FAAH2: variants seen among roughly 807,000 people sequenced by gnomAD.
The protein encoded by FAAH2 is fatty acid amide hydrolase 2.
In FAAH2, 60 loss-of-function variants were observed where a neutral mutation model predicts 36.9. That is an observed-to-expected ratio of 1.63 (90% CI 1.32 to 2.02). The LOEUF is 2.02. Ranked by LOEUF, FAAH2 falls within the 30% of genes most tolerant of loss-of-function variation. The probability of loss-of-function intolerance (pLI) is 0.00; values close to 1 mark genes in which losing one functional copy is unlikely to be tolerated. For missense variants in FAAH2, 689 were observed against 397.5 expected (o/e 1.73, Z -6.23); for synonymous variants, 214 against 143.8 (o/e 1.49, Z -3.49).
chrX:57,366,785 G>A (rs1383325050), intron 5 of FAAH2, among the ~76,000 whole-genome samples: 2 of 112,425 alleles, frequency 1.8e-5, no homozygotes, highest in Non-Finnish European at 3.8e-5. Flanking sequence ...AGCTAGGCAG[G>A]ACCCTGGCAG....
intron 8 of FAAH2, among the ~76,000 whole-genome samples, chrX:57,435,922 C>A (rs1207937219): frequency 9.0e-6 from 1 of 111,170 alleles, no homozygotes; most frequent in Non-Finnish European, 1.9e-5. Context: ...GGAACATTCT[C>A]CAAGATAGAC....
intron 10 of FAAH2, among the ~76,000 whole-genome samples, chrX:57,478,808 C>T (rs904021391): frequency 2.7e-5 from 3 of 111,292 alleles, no homozygotes; most frequent in Non-Finnish European, 3.8e-5. Flanking sequence ...AGATATGTGG[C>T]ATTATTTCTG....
intron 5 of FAAH2, among the ~76,000 whole-genome samples, chrX:57,375,664 G>T (rs1468233219): frequency 3.6e-5 from 4 of 110,871 alleles, no homozygotes; most frequent in African/African-American, 1.3e-4. Context: ...TGGTTTGGAA[G>T]AATTATTATC....
chrX:57,309,098 T>G (rs1233968633), intron 2 of FAAH2, among the ~76,000 whole-genome samples: 1 of 112,262 alleles, frequency 8.9e-6, no homozygotes, highest in African/African-American at 3.2e-5. Context: ...ATTTTAAATT[T>G]CATTTTCAAG....
chrX:57,275,335 G>A, the FAAH2 span, among the ~76,000 whole-genome samples: 7 of 112,457 alleles, frequency 6.2e-5, no homozygotes, highest in Non-Finnish European at 1.1e-4. Flanking sequence ...GATGTGGAAA[G>A]CAAGGTGGAA....
chrX:57,443,875 C>G (rs1032024127), intron 8 of FAAH2, among the ~76,000 whole-genome samples: 3 of 112,118 alleles, frequency 2.7e-5, no homozygotes, highest in Admixed American at 1.9e-4. Context: ...TTACTAAGGT[C>G]CACTTCACAC....
At chrX:57,312,876 T>C (rs187991612) in intron 3 of FAAH2, among the ~76,000 whole-genome samples, 1 of 111,445 alleles carries the variant, frequency 9.0e-6, no homozygotes, top group African/African-American at 3.3e-5. Flanking sequence ...CCAGAAATGG[T>C]TTTTGACCAG....
the FAAH2 span, among the ~76,000 whole-genome samples, chrX:57,212,226 C>T: frequency 2.4e-4 from 27 of 111,735 alleles, no homozygotes; most frequent in Non-Finnish European, 4.9e-4. Context: ...AGAGCCAGAC[C>T]CTGTCTCTAC....
At chrX:57,467,049 TG>T (rs2057063717) in intron 10 of FAAH2, among the ~76,000 whole-genome samples, 1 of 111,423 alleles carries the variant, frequency 9.0e-6, no homozygotes, top group Admixed American at 9.6e-5. Flanking sequence ...TGATGATTTT[TG>T]TTACCCTCAC....
chrX:57,211,762 G>A, the FAAH2 span, among the ~76,000 whole-genome samples: 1 of 111,623 alleles, frequency 9.0e-6, no homozygotes, highest in Non-Finnish European at 1.9e-5. Context: ...ACCCATGCAG[G>A]ACATTATTAC....
the FAAH2 span, among the ~76,000 whole-genome samples, chrX:57,250,818 G>T: frequency 9.1e-6 from 1 of 109,910 alleles, no homozygotes. Context: ...TGAAGAAATA[G>T]AAAATATGAA....
intron 2 of FAAH2, among the ~76,000 whole-genome samples, chrX:57,294,457 A>G (rs1004638449): frequency 1.8e-5 from 2 of 111,985 alleles, no homozygotes; most frequent in African/African-American, 6.5e-5. Context: ...ATCCAGTCAC[A>G]CAAGCAAGAT....
In FAAH2 at chrX:57,303,018, C is replaced by A. The variant is rs191474471; in HGVS notation, c.276-7575C>A. On this transcript the variant is annotated intron_variant, in intron 2 of 10. Transcript: ENST00000374900. ...CTTTATCAACCTTCCCTTGGAAGTT[C>A]TCTGCTTGTGCTGATTGTATGTGGC... Among the ~76,000 whole-genome samples the A allele has an allele frequency of 1.4e-4, 16 of 111,264 alleles. No homozygotes were observed. In the East Asian group the frequency reaches 4.0e-3, roughly 28 times the overall value.
At chrX:57,193,415 CT>C in the FAAH2 span, among the ~76,000 whole-genome samples, 1 of 112,024 alleles carries the variant, frequency 8.9e-6, no homozygotes, top group Non-Finnish European at 1.9e-5. Context: ...AATTTCACCC[CT>C]GTCCTGTGGT....
chrX:57,192,777 C>G, the FAAH2 span, among the ~76,000 whole-genome samples: 1 of 111,828 alleles, frequency 8.9e-6, no homozygotes, highest in Non-Finnish European at 1.9e-5. Flanking sequence ...ATTTCTTATG[C>G]CTGTCTTTAC....
At chrX:57,279,148 G>A in the FAAH2 span, among the ~76,000 whole-genome samples, 3 of 112,125 alleles carry the variant, frequency 2.7e-5, no homozygotes, top group African/African-American at 9.7e-5. Context: ...AAAGAAACAT[G>A]AACACGTATG....
intron 2 of FAAH2, among the ~76,000 whole-genome samples, chrX:57,307,641 T>C (rs1378510872): frequency 9.0e-6 from 1 of 111,426 alleles, no homozygotes; most frequent in Non-Finnish European, 1.9e-5. Flanking sequence ...AAATATAATA[T>C]CAACTTTTAT....
rs141953987 is a variant in FAAH2, at chrX:57,321,874, T to A, written c.413-9724T>A. 4.8e-3 allele frequency among the ~76,000 whole-genome samples: 535 copies of A among 112,097 alleles called. 3 individuals carry two copies. The highest frequency in any genetic ancestry group is 0.018 in the Middle Eastern group (4 of 218). On this transcript the variant is annotated intron_variant, in intron 3 of 10. Coordinates refer to ENST00000374900, the MANE Select transcript of FAAH2 (RefSeq NM_174912.4). ...TCTGTGTACTTGTGTGTTTCTGTAG[T>A]GGTTTGTAATTACCTATTATTTCCA...
chrX:57,244,443 G>T, the FAAH2 span, among the ~76,000 whole-genome samples: 1 of 111,217 alleles, frequency 9.0e-6, no homozygotes, highest in Non-Finnish European at 1.9e-5. Flanking sequence ...GCACATAATC[G>T]TCAGATTCAC....
Sources: allele counts gnomAD v4.1 joint callset (sites outside exome capture counted in the v4.1 genomes callset), GRCh38; gene constraint gnomAD v4.1.1; transcripts MANE v1.5; gene names NCBI Gene and HGNC (gene_info 2026-07-23, HGNC 2026-07-21).